The following QTRT2 variants were observed in gnomAD, a reference collection of about 807,000 sequenced individuals.
The protein encoded by QTRT2 is queuine tRNA-ribosyltransferase accessory subunit 2.
Under a neutral mutation model 44.8 loss-of-function variants are expected in QTRT2, and 32 were observed. The ratio of observed to expected loss-of-function variants is 0.71; its 90% confidence interval spans 0.54 to 0.96. The LOEUF (loss-of-function observed/expected upper bound fraction) is 0.96, where lower values mean the gene tolerates loss of function less well. QTRT2 is among the 40% of genes least tolerant of loss of function. QTRT2 has a pLI of 0.00. For synonymous variants in QTRT2, 182 were observed against 187.4 expected (o/e 0.97, Z 0.24); for missense variants, 461 against 503.1 (o/e 0.92, Z 0.80).
At chr3:114,059,365 G>A (rs2076852287) in intron 2 of QTRT2, among the ~76,000 whole-genome samples, 1 of 152,172 alleles carries the variant, frequency 6.6e-6, no homozygotes, top group Non-Finnish European at 1.5e-5. Flanking sequence ...TTAGTATTTT[G>A]GAGACTGTTG....
In QTRT2 at chr3:114,086,052, C is replaced by T. The variant is rs775298291; in HGVS notation, c.*148C>T. The T allele has an allele frequency of 4.4e-5, 29 of 661,360 alleles. No homozygotes were observed. The highest frequency in any genetic ancestry group is 7.5e-5 in the Non-Finnish European group (29 of 387,356). 41.0% of individuals were successfully genotyped at this position (661,360 alleles called of 1,614,324 possible). ...AATAAAGAATCTTTGTACCAAACTG[C>T]CCACATGAGGGTGAAGAGATTTCCT... On this transcript the variant is annotated 3_prime_UTR_variant, in exon 10 of 10. Coordinates refer to ENST00000281273, the MANE Select transcript of QTRT2 (RefSeq NM_024638.4).
intron 6 of QTRT2, among the ~76,000 whole-genome samples, chr3:114,076,166 T>G (rs1266803447): frequency 6.6e-6 from 1 of 152,136 alleles, no homozygotes; most frequent in African/African-American, 2.4e-5. Context: ...TACATTTTAT[T>G]TATTTACTTA....
At chr3:114,059,493 C>T (rs1449188948) in intron 2 of QTRT2, among the ~76,000 whole-genome samples, 1 of 152,090 alleles carries the variant, frequency 6.6e-6, no homozygotes, top group Non-Finnish European at 1.5e-5. Context: ...TTCATAGTAA[C>T]AATTTATTGT....
At position 114,056,869 on chromosome 3, in the gene QTRT2, G is replaced by C. The variant is rs959527482; in HGVS notation, c.-130+5G>C. ...AGTCGAATGGTTTGTTGGCAGGTAA[G>C]TGCCCCTTTGCCCTGCTGGTGTGGG... On this transcript the variant is annotated splice_donor_5th_base_variant and intron_variant, in intron 1 of 9. Transcript: ENST00000281273. 1 of 1,535,932 alleles carries C rather than the reference G, an allele frequency of 6.5e-7. No homozygotes were observed. The highest frequency in any genetic ancestry group is 8.7e-7 in the Non-Finnish European group (1 of 1,146,770).
At chr3:114,080,536 A>C (rs1365296060) in intron 8 of QTRT2, among the ~76,000 whole-genome samples, 7 of 151,918 alleles carry the variant, frequency 4.6e-5, no homozygotes, top group Admixed American at 1.3e-4. Context: ...TTCCTTTGCT[A>C]ATGTTGCTTT....
chr3:114,080,639 C>T (rs937326653), intron 8 of QTRT2, among the ~76,000 whole-genome samples: 1 of 152,182 alleles, frequency 6.6e-6, no homozygotes, highest in Non-Finnish European at 1.5e-5. Flanking sequence ...AGAAAAGGAG[C>T]TAGGATACAG....
intron 7 of QTRT2, chr3:114,079,578 A>G (rs1398707133): frequency 5.2e-6 from 1 of 191,058 alleles, no homozygotes; most frequent in Non-Finnish European, 1.1e-5. Context: ...CAAATATCTC[A>G]TTAATCCTCA....
chr3:114,080,131 G>C, intron 8 of QTRT2, 74 bp downstream of exon 8: 1 of 1,237,380 alleles, frequency 8.1e-7, no homozygotes, highest in Non-Finnish European at 1.1e-6. Context: ...TGAGTCACAA[G>C]ACAGAAATAT....
chr3:114,070,215 C>T (rs1435968311), intron 5 of QTRT2, among the ~76,000 whole-genome samples: 1 of 152,032 alleles, frequency 6.6e-6, no homozygotes, highest in Non-Finnish European at 1.5e-5. Flanking sequence ...TACACTTGCC[C>T]TATATGTAAG....
intron 2 of QTRT2, among the ~76,000 whole-genome samples, chr3:114,063,443 G>A (rs2076913431): frequency 6.6e-6 from 1 of 151,990 alleles, no homozygotes; most frequent in African/African-American, 2.4e-5. Context: ...GAACCTTCTT[G>A]TTTTAGCAGT....
chr3:114,065,533 A>AT (rs998772367), intron 3 of QTRT2, 76 bp downstream of exon 3: 571 of 1,110,692 alleles, frequency 5.1e-4, no homozygotes, highest in Non-Finnish European at 6.3e-4. Context: ...AAAGAGAAAT[A>AT]TTTTTTTTTG....
intron 8 of QTRT2, chr3:114,082,457 T>C (rs2077179963): frequency 1.6e-5 from 5 of 306,092 alleles, no homozygotes; most frequent in Non-Finnish European, 3.1e-5. Flanking sequence ...GCTTAGATAT[T>C]ATTGAATCTC....
rs2077233046 is a variant in QTRT2, at chr3:114,086,030, A to G, written c.*126A>G. 2.5e-6 allele frequency: 2 copies of G among 787,372 alleles called. No individual in the cohort carries two copies. Among genetic ancestry groups the G allele is most frequent in the East Asian group, 5.4e-5 (2 of 37,284 alleles). 48.8% of individuals were successfully genotyped at this position (787,372 alleles called of 1,614,324 possible). On this transcript the variant is annotated 3_prime_UTR_variant, in exon 10 of 10. Coordinates refer to ENST00000281273, the MANE Select transcript of QTRT2 (RefSeq NM_024638.4). The stretch of plus-strand genomic sequence containing the variant: ...ATTTGGATATAAGGTCTGCTTAAAT[A>G]AAGAATCTTTGTACCAAACTGCCCA...
intron 6 of QTRT2, among the ~76,000 whole-genome samples, chr3:114,075,718 A>T (rs190705645): frequency 6.6e-6 from 1 of 151,982 alleles, no homozygotes; most frequent in Admixed American, 6.6e-5. Flanking sequence ...AGTGTTGGCC[A>T]GGCTGGTCTT....
chr3:114,079,916 G>A lies in QTRT2; in HGVS notation c.757G>A (p.Gly253Ser). 6.2e-7 allele frequency: 1 copy of A among 1,613,258 alleles called. No homozygotes were observed. Among genetic ancestry groups the A allele is most frequent in the Admixed American group, 1.7e-5 (1 of 59,990 alleles). Residue 253 changes from glycine (G) to serine (S), a missense_variant, in exon 8 of 10, where the codon GGT becomes AGT. Coordinates refer to ENST00000281273, the MANE Select transcript of QTRT2 (RefSeq NM_024638.4). The part of the protein sequence containing the change: ...LPEDKPRLIS[G>S]VSRPDEVLEC... ...TTCTTACTTTTACAGGCTCATATCT[G>A]GTGTTAGTCGGCCAGATGAGGTGCT...
chr3:114,081,064 C>A (rs1242994013), intron 8 of QTRT2, among the ~76,000 whole-genome samples: 1 of 152,132 alleles, frequency 6.6e-6, no homozygotes, highest in Non-Finnish European at 1.5e-5. Flanking sequence ...ATTATTTCCA[C>A]CAGAACAGAG....
intron 9 of QTRT2, among the ~76,000 whole-genome samples, chr3:114,084,083 G>C (rs372312023): frequency 5.3e-5 from 8 of 150,074 alleles, no homozygotes; most frequent in Admixed American, 2.6e-4. Flanking sequence ...TTTTGTGGGG[G>C]GCAGAGTGTA....
intron 3 of QTRT2, 131 bp downstream of exon 3, chr3:114,065,588 A>G: frequency 1.4e-6 from 1 of 721,862 alleles, no homozygotes; most frequent in Non-Finnish European, 2.3e-6. Context: ...ATCAGAAGAG[A>G]GGTTTCAAAT....
intron 6 of QTRT2, among the ~76,000 whole-genome samples, chr3:114,076,369 G>A (rs771819145): frequency 6.6e-6 from 1 of 151,970 alleles, no homozygotes; most frequent in African/African-American, 2.4e-5. Flanking sequence ...ACCAGGTGTC[G>A]CTATGTTGCC....
Sources: allele counts gnomAD v4.1 joint callset (sites outside exome capture counted in the v4.1 genomes callset), GRCh38; gene constraint gnomAD v4.1.1; transcripts MANE v1.5; gene names NCBI Gene and HGNC (gene_info 2026-07-23, HGNC 2026-07-21).